The following DDX18 variants were observed in gnomAD, a reference collection of about 807,000 sequenced individuals.
DDX18 encodes the protein ATP-dependent RNA helicase DDX18.
Under a neutral mutation model 73.5 loss-of-function variants are expected in DDX18, and 23 were observed. The ratio of observed to expected loss-of-function variants is 0.31; its 90% CI spans 0.23 to 0.44. The LOEUF (loss-of-function observed/expected upper bound fraction) is 0.44, where lower values mean the gene tolerates loss of function less well. Among genes scored for constraint, DDX18 ranks in the 20% least tolerant of loss-of-function variants. DDX18 has a pLI of 1.00. For synonymous variants in DDX18, 268 were observed against 282.7 expected (o/e 0.95, Z 0.52); for missense variants, 753 against 792.9 (o/e 0.95, Z 0.60).
Position 117,819,597 on chromosome 2 carries a change from G to C in DDX18, c.371-52G>C, listed in dbSNP as rs929526854. 3.5e-6 allele frequency: 5 copies of C among 1,449,040 alleles called. No individual in the cohort carries two copies. In the African/African-American group the frequency reaches 7.2e-5, roughly 21 times the overall value. 89.8% of individuals were successfully genotyped at this position (1,449,040 alleles called of 1,614,324 possible). A position where few individuals can be genotyped will look rare whatever the true frequency, so the allele number is the denominator to read the frequency against. On this transcript the variant is annotated intron_variant, in intron 2 of 13. Coordinates refer to ENST00000263239, the MANE Select transcript of DDX18 (RefSeq NM_006773.4). Reference sequence around the variant, plus strand: ...ATCTTCTGTTTGTTGATCTCATTTGGAATTCTATTTTAAGGAAAAATTTTT... The same window carrying C: ...ATCTTCTGTTTGTTGATCTCATTTGCAATTCTATTTTAAGGAAAAATTTTT...
At chr2:117,814,891 G>A (rs1343286947) in intron 1 of DDX18, 29 bp downstream of exon 1, 3 of 1,613,286 alleles carry the variant, frequency 1.9e-6, no homozygotes, top group East Asian at 2.2e-5. Context: ...CGGTGGCTCA[G>A]AAGACCCACG....
At position 117,822,154 on chromosome 2, in the gene DDX18, C is replaced by G; in HGVS notation, c.959C>G (p.Pro320Arg). Residue 320 changes from proline to arginine, a missense_variant, in exon 7 of 14, where the codon CCA (proline) becomes CGA (arginine). Around this residue, in one of 3 missense-constraint regions of DDX18, gnomAD observed 402 missense variants for 419.4 expected, o/e 0.96. Coordinates refer to ENST00000263239, the MANE Select transcript of DDX18 (RefSeq NM_006773.4). The stretch of plus-strand genomic sequence containing the variant: ...TGTCCTTTGTTTTGTTAGAATACCC[C>G]AGGATTTATGTATAAAAACCTGCAG... ...GRLLDHMQNT[P>R]GFMYKNLQCL... 1 of 1,613,760 alleles carries G rather than the reference C, an allele frequency of 6.2e-7. No individual in the cohort carries two copies. Among genetic ancestry groups the G allele is most frequent in the Non-Finnish European group, 8.5e-7 (1 of 1,179,816 alleles).
At position 117,817,428 on chromosome 2, in the gene DDX18, CT is replaced by C. The variant is rs1679777457; in HGVS notation, c.86-15del. 1 of 1,584,682 alleles carries C rather than the reference CT, an allele frequency of 6.3e-7. No homozygotes were observed. The highest frequency in any genetic ancestry group is 1.4e-5 in the African/African-American group (1 of 72,914). Reference sequence around the variant, plus strand: ...CTCCTTCTTTGTCACAGTATATGTTCTGTTTATTTAAACAGGGGCCTCAAAT... The same window carrying C: ...CTCCTTCTTTGTCACAGTATATGTTCGTTTATTTAAACAGGGGCCTCAAAT... On this transcript the variant is annotated splice_polypyrimidine_tract_variant and intron_variant, in intron 1 of 13. Coordinates refer to ENST00000263239, the MANE Select transcript of DDX18 (RefSeq NM_006773.4).
chr2:117,816,116 A>G (rs1468751742), intron 1 of DDX18, among the ~76,000 whole-genome samples: 2 of 152,228 alleles, frequency 1.3e-5, no homozygotes, highest in African/African-American at 4.8e-5. Flanking sequence ...CTTACCATGA[A>G]TGGAGTTTGC....
At chr2:117,827,101 T>C (rs1312643017) in intron 11 of DDX18, 1 of 152,260 alleles carries the variant, frequency 6.6e-6, no homozygotes, top group East Asian at 1.9e-4. Flanking sequence ...TATCAGGCCT[T>C]CTCCTGCCTG....
intron 7 of DDX18, among the ~76,000 whole-genome samples, chr2:117,823,874 A>AATGTTTTTTTTCTGTCTGCTGAAATAATC (rs1261284281): frequency 6.6e-6 from 1 of 152,190 alleles, no homozygotes; most frequent in East Asian, 1.9e-4. Context: ...TAGATGGTCA[A>AATGTTTTTTTTCTGTCTGCTGAAATAATC]ATGTTTTTTT....
chr2:117,826,722 C>T (rs1450158698), intron 11 of DDX18: 2 of 260,936 alleles, frequency 7.7e-6, no homozygotes, highest in Non-Finnish European at 1.5e-5. Flanking sequence ...TTCCTCTTAC[C>T]TCATGTGAAG....
At position 117,824,681 on chromosome 2, in the gene DDX18, G is replaced by T; in HGVS notation, c.1179G>T (p.Ala393=). The T allele has an allele frequency of 6.8e-7, 1 of 1,478,192 alleles. No homozygotes were observed. Among genetic ancestry groups the T allele is most frequent in the South Asian group, 1.5e-5 (1 of 67,286 alleles). 91.6% of individuals were successfully genotyped at this position (1,478,192 alleles called of 1,614,324 possible). ...ATGTTGGCGTTGATGATGATAAAGC[G>T]AATGCAACAGTGGATGGTCTTGAAC... ...PLYVGVDDDK[A]NATVDGLEQG... Residue 393 remains alanine (A), a synonymous_variant, in exon 8 of 14, where the codon GCG becomes GCT. Transcript: ENST00000263239.
rs747160399 is a variant in DDX18 at position 117,825,073 on chromosome 2, A to G, written c.1340A>G (p.Tyr447Cys). Residue 447 changes from tyrosine to cysteine, a missense_variant, in exon 9 of 14, where the codon TAC (tyrosine) becomes TGC (cysteine). By Grantham distance (194) the Tyr-to-Cys change is radical. Transcript: ENST00000263239. ...SVKYHYELLNYIDLPVLAIHG... is the reference protein window; with the variant it reads ...SVKYHYELLNCIDLPVLAIHG... ...AAATACCACTATGAGTTGCTGAACT[A>G]CATTGATTTGCCCGTCTTGGCCATT... The G allele has an allele frequency of 5.6e-6, 9 of 1,612,480 alleles. No homozygotes were observed. Among genetic ancestry groups the G allele is most frequent in the Non-Finnish European group, 7.6e-6 (9 of 1,179,650 alleles).
In DDX18 at chr2:117,821,709, C is replaced by T. The variant is rs1419894210; in HGVS notation, c.710C>T (p.Ala237Val). The change falls in exon 5 of 14, where the codon GCA becomes GTA. Residue 237 changes from alanine to valine, a missense_variant. Around this residue, in one of 3 missense-constraint regions of DDX18, gnomAD observed 345 missense variants for 352.0 expected, o/e 0.98. Transcript: ENST00000263239. ...SGKTLAFLIPAVELIVKLRFM... is the reference protein window; with the variant it reads ...SGKTLAFLIPVVELIVKLRFM... The stretch of plus-strand genomic sequence containing the variant: ...AAAACCCTGGCTTTTCTCATCCCTG[C>T]AGTTGAACTCATTGTTAAGTTAAGG... 1 of 1,614,046 alleles carries T rather than the reference C, an allele frequency of 6.2e-7. No homozygotes were observed. The highest frequency in any genetic ancestry group is 8.5e-7 in the Non-Finnish European group (1 of 1,179,940).
At chr2:117,830,304 C>T (rs1280001134) in intron 13 of DDX18, among the ~76,000 whole-genome samples, 8 of 152,070 alleles carry the variant, frequency 5.3e-5, no homozygotes, top group Admixed American at 5.2e-4. Context: ...CTCATAAATC[C>T]TTATTCACTG....
At position 117,825,611 on chromosome 2, in the gene DDX18, C is replaced by CT. The variant is rs1205026045; in HGVS notation, c.1521+15dup. On this transcript the variant is annotated intron_variant, in intron 10 of 13. Transcript: ENST00000263239. ...CGGATGACCCTAAGGTAACTGGCAT[C>CT]TTTGGAATATCTTCAGAATGACTCT... is the stretch of plus-strand genomic sequence containing the variant. 1.2e-6 allele frequency: 2 copies of CT among 1,608,868 alleles called. No individual in the cohort carries two copies. Among genetic ancestry groups the CT allele is most frequent in the Non-Finnish European group, 1.7e-6 (2 of 1,176,924 alleles).
chr2:117,823,658 T>C (rs1679881249), intron 7 of DDX18, among the ~76,000 whole-genome samples: 1 of 152,152 alleles, frequency 6.6e-6, no homozygotes, highest in South Asian at 2.1e-4. Context: ...TCCTGCCTGA[T>C]TGCCCTGGCC....
At position 117,829,466 on chromosome 2, in the gene DDX18, A is replaced by T. The variant is rs1015083102; in HGVS notation, c.1870A>T (p.Asn624Tyr). ...GFKVPPFVDL[N>Y]VNSNEGKQKK... ...CAAGGTGCCTCCCTTCGTTGATCTG[A>T]GTATCCTTTTCTTTAATGAAGTTAT... Residue 624 changes from asparagine to tyrosine, a missense_variant and splice_region_variant, in exon 13 of 14, where the codon AAC becomes TAC. Coordinates refer to ENST00000263239, the MANE Select transcript of DDX18 (RefSeq NM_006773.4). 6.2e-7 allele frequency: 1 copy of T among 1,604,570 alleles called. No individual in the cohort carries two copies. The highest frequency in any genetic ancestry group is 1.3e-5 in the African/African-American group (1 of 74,260).
intron 10 of DDX18, chr2:117,826,007 G>A (rs912744398): frequency 1.0e-5 from 4 of 389,826 alleles, no homozygotes; most frequent in African/African-American, 2.2e-5. Flanking sequence ...TTATTAGATC[G>A]CTGTTAATGC....
At chr2:117,830,157 G>A (rs1307335992) in intron 13 of DDX18, among the ~76,000 whole-genome samples, 1 of 152,198 alleles carries the variant, frequency 6.6e-6, no homozygotes, top group Non-Finnish European at 1.5e-5. Flanking sequence ...TGAAATGAAT[G>A]TATGTCGAGT....
Position 117,824,994 on chromosome 2 carries a change from A to G in DDX18, c.1261A>G (p.Lys421Glu). 1 of 1,613,908 alleles carries G rather than the reference A, an allele frequency of 6.2e-7. No homozygotes were observed. Among genetic ancestry groups the G allele is most frequent in the Non-Finnish European group, 8.5e-7 (1 of 1,179,918 alleles). The change falls in exon 9 of 14, where the codon AAG (lysine) becomes GAG (glutamate). Residue 421 changes from lysine (K) to glutamate (E), a missense_variant. Lys to Glu is a moderately conservative substitution (Grantham distance 56, BLOSUM62 1). Coordinates refer to ENST00000263239, the MANE Select transcript of DDX18 (RefSeq NM_006773.4). ...KRFLLLFTFL[K>E]KNRKKKLMVF... ...ATTCCTTCTGCTCTTTACATTCCTT[A>G]AGAAGAACCGAAAGAAGAAGCTTAT...
chr2:117,832,306 CCTA>C lies in DDX18; in HGVS notation c.*1588_*1590del. On this transcript the variant is annotated 3_prime_UTR_variant, in exon 14 of 14. Coordinates refer to ENST00000263239, the MANE Select transcript of DDX18 (RefSeq NM_006773.4). ...TTTTTATCAAAAATTAAGTCATCTA[CCTA>C]CTACTTGTAACCAGCTTGTTTCATA... The C allele has an allele frequency of 6.6e-6, 1 of 152,264 alleles. No individual in the cohort carries two copies. The highest frequency in any genetic ancestry group is 2.1e-4 in the South Asian group (1 of 4,828). The allele number at this position is 152,264 out of a possible 1,614,324, so 9.4% of individuals were successfully genotyped here.
intron 1 of DDX18, among the ~76,000 whole-genome samples, chr2:117,815,987 CAG>C (rs564290595): frequency 6.6e-6 from 1 of 152,114 alleles, no homozygotes; most frequent in Admixed American, 6.5e-5. Flanking sequence ...GTACTATACT[CAG>C]AGAATTGTAA....
Sources: gnomAD v4.1 joint callset for allele counts (sites outside exome capture counted in the v4.1 genomes callset) on GRCh38, gnomAD v4.1.1 for gene constraint, gnomAD v4.1.1 regional missense constraint, MANE v1.5 for transcripts, NCBI Gene and HGNC (gene_info 2026-07-23, HGNC 2026-07-21) for gene names.